The following ELAVL2 variants were observed in gnomAD, a reference collection of about 807,000 sequenced individuals.
ELAVL2 encodes ELAV-like protein 2.
A neutral mutation model predicts 34.6 loss-of-function variants in ELAVL2; 4 were observed. The observed-to-expected ratio is 0.12, with a 90% confidence interval of 0.06 to 0.26. The LOEUF (loss-of-function observed/expected upper bound fraction) is 0.26, where lower values mean the gene tolerates loss of function less well. Among genes scored for constraint, ELAVL2 ranks in the 10% least tolerant of loss-of-function variants. The pLI is 1.00. For synonymous variants in ELAVL2, 193 were observed against 154.8 expected, an observed-to-expected ratio of 1.25 and a Z score of -1.83; for missense variants, 432 against 442.8, an observed-to-expected ratio of 0.98 and a Z score of 0.22.
At chr9:23,756,713 T>G (rs1588146260) in intron 2 of ELAVL2, among the ~76,000 whole-genome samples, 1 of 152,166 alleles carries the variant, frequency 6.6e-6, no homozygotes, top group Non-Finnish European at 1.5e-5. Context: ...ACTTTAAACT[T>G]AAACTTTCCA....
chr9:23,745,217 T>C (rs747709547), intron 2 of ELAVL2, among the ~76,000 whole-genome samples: 3 of 151,952 alleles, frequency 2.0e-5, no homozygotes, highest in Non-Finnish European at 4.4e-5. Context: ...AAGAAACAAA[T>C]AAAATACAAA....
intron 2 of ELAVL2, among the ~76,000 whole-genome samples, chr9:23,743,425 A>G (rs1242758171): frequency 3.3e-5 from 5 of 152,200 alleles, no homozygotes; most frequent in African/African-American, 1.2e-4. Flanking sequence ...ATTTTGCTAA[A>G]AAGATTTTAC....
At chr9:23,773,363 T>C (rs1252545035) in intron 1 of ELAVL2, among the ~76,000 whole-genome samples, 1 of 145,220 alleles carries the variant, frequency 6.9e-6, no homozygotes, top group East Asian at 2.3e-4. Context: ...TATGCTTAGA[T>C]TGATGACCTC....
chr9:23,730,184 A>G (rs2046200463), intron 3 of ELAVL2, among the ~76,000 whole-genome samples: 2 of 152,300 alleles, frequency 1.3e-5, no homozygotes, highest in East Asian at 1.9e-4. Flanking sequence ...GCTAGAGGCG[A>G]CATCCCTCTT....
At chr9:23,820,814 G>T (rs919087443) in intron 1 of ELAVL2, among the ~76,000 whole-genome samples, 6 of 152,220 alleles carry the variant, frequency 3.9e-5, no homozygotes, top group African/African-American at 1.4e-4. Flanking sequence ...CAAGCGAACT[G>T]AAATCCCAGA....
chr9:23,826,031 G>C lies in ELAVL2; in HGVS notation c.-241C>G, dbSNP rs543413317. The C allele has an allele frequency of 1.3e-5, 2 of 152,246 alleles. No homozygotes were observed. The highest frequency in any genetic ancestry group is 4.1e-4 in the South Asian group (2 of 4,824). 9.4% of individuals were successfully genotyped at this position (152,246 alleles called of 1,614,324 possible). ...GAAAGGGGAGGGGAAACTTAAAAAA[G>C]AGTTTAAAAAGACGGAGAGACTACC... On this transcript the variant is annotated 5_prime_UTR_variant, in exon 1 of 7. Coordinates refer to ENST00000397312, the MANE Select transcript of ELAVL2 (RefSeq NM_004432.5).
chr9:23,707,232 A>G (rs549146801), intron 3 of ELAVL2, among the ~76,000 whole-genome samples: 20 of 152,258 alleles, frequency 1.3e-4, no homozygotes, highest in Admixed American at 3.3e-4. Flanking sequence ...GGATTGCTAT[A>G]AACTGATGAA....
chr9:23,691,961 G>A lies in ELAVL2; in HGVS notation c.*596C>T, dbSNP rs2033305659. On this transcript the variant is annotated 3_prime_UTR_variant, in exon 7 of 7. Transcript: ENST00000397312. ...TCTCTTTGGCAAGGTACTGCTTTAC[G>A]AAAAGTTCTCCAGTATTCTTACAAT... The A allele has an allele frequency of 6.6e-6, 1 of 152,288 alleles. No homozygotes were observed. Among genetic ancestry groups the A allele is most frequent in the Non-Finnish European group, 1.5e-5 (1 of 67,978 alleles). 9.4% of individuals were successfully genotyped at this position (152,288 alleles called of 1,614,324 possible). A position where few individuals can be genotyped will look rare whatever the true frequency, so the allele number is the denominator to read the frequency against.
In ELAVL2 at chr9:23,785,484, T is replaced by C. The variant is rs190793035; in HGVS notation, c.-15-23235A>G. 1.1e-4 allele frequency among the ~76,000 whole-genome samples: 17 copies of C among 152,312 alleles called. No homozygotes were observed. The South Asian group carries it at 3.1e-3, about 28-fold the overall frequency. On this transcript the variant is annotated intron_variant, in intron 1 of 6. Transcript: ENST00000397312. ...CACAGCTGCACCTACAAGTCAAATA[T>C]AGGCAAAATGAAACATTTTTAATCA...
intron 3 of ELAVL2, among the ~76,000 whole-genome samples, chr9:23,710,014 G>C (rs1222610489): frequency 6.6e-6 from 1 of 152,130 alleles, no homozygotes. Context: ...GGGAAGGGGA[G>C]GGACGGGGAG....
intron 5 of ELAVL2, among the ~76,000 whole-genome samples, chr9:23,700,881 G>GAA (rs149393952): frequency 7.1e-6 from 1 of 141,330 alleles, no homozygotes. Context: ...AATCCTTTAA[G>GAA]AAAAAAAAAA....
intron 1 of ELAVL2, among the ~76,000 whole-genome samples, chr9:23,798,819 G>T (rs1646130976): frequency 6.6e-6 from 1 of 152,008 alleles, no homozygotes; most frequent in South Asian, 2.1e-4. Context: ...CCAGGCACAC[G>T]TGTAATTAAA....
chr9:23,741,932 G>A (rs1328723806), intron 2 of ELAVL2, among the ~76,000 whole-genome samples: 3 of 152,140 alleles, frequency 2.0e-5, no homozygotes, highest in Admixed American at 6.6e-5. Flanking sequence ...GTGGCAAGCA[G>A]CTGAACCTGG....
chr9:23,732,198 G>GT (rs1340736440), intron 2 of ELAVL2, among the ~76,000 whole-genome samples: 12 of 152,176 alleles, frequency 7.9e-5, no homozygotes, highest in African/African-American at 2.9e-4. Context: ...GGGAAGTGAG[G>GT]TATTTTTTCT....
intron 1 of ELAVL2, among the ~76,000 whole-genome samples, chr9:23,796,244 A>C (rs2060909230): frequency 6.6e-6 from 1 of 152,234 alleles, no homozygotes; most frequent in African/African-American, 2.4e-5. Context: ...GGGTTATTAC[A>C]GTTCTTGTTA....
At chr9:23,812,391 C>G (rs976991051) in intron 1 of ELAVL2, among the ~76,000 whole-genome samples, 1 of 152,064 alleles carries the variant, frequency 6.6e-6, no homozygotes, top group Non-Finnish European at 1.5e-5. Flanking sequence ...TAACTAGCAG[C>G]CCACATATAT....
intron 1 of ELAVL2, among the ~76,000 whole-genome samples, chr9:23,770,229 G>A (rs569821977): frequency 6.6e-6 from 1 of 152,228 alleles, no homozygotes; most frequent in East Asian, 1.9e-4. Context: ...TACATATAGA[G>A]AAGAATAAGG....
intron 2 of ELAVL2, among the ~76,000 whole-genome samples, chr9:23,747,119 C>A (rs886414723): frequency 2.0e-5 from 3 of 152,030 alleles, no homozygotes; most frequent in African/African-American, 7.2e-5. Flanking sequence ...CAGTGGATAA[C>A]TGAAACCACA....
intron 3 of ELAVL2, among the ~76,000 whole-genome samples, chr9:23,729,593 A>G (rs904063738): frequency 1.3e-5 from 2 of 152,120 alleles, no homozygotes; most frequent in Non-Finnish European, 2.9e-5. Flanking sequence ...TCACATTTTG[A>G]TAATATACAG....
Sources: gnomAD v4.1 joint callset for allele counts (sites outside exome capture counted in the v4.1 genomes callset) on GRCh38, gnomAD v4.1.1 for gene constraint, MANE v1.5 for transcripts, NCBI Gene and HGNC (gene_info 2026-07-23, HGNC 2026-07-21) for gene names.